Variants in NAE1 observed in about 807,000 individuals in gnomAD.
NAE1 encodes NEDD8 activating enzyme E1 subunit 1.
A neutral mutation model predicts 88.0 loss-of-function variants in NAE1; 59 were observed. The ratio of observed to expected loss-of-function variants is 0.67; its 90% CI spans 0.54 to 0.83. The LOEUF (loss-of-function observed/expected upper bound fraction) is 0.83, where lower values mean the gene tolerates loss of function less well. NAE1 is among the 40% of genes least tolerant of loss of function. NAE1 has a pLI of 0.00. For missense variants in NAE1, 554 were observed against 632.8 expected (o/e 0.88, Z 1.34); for synonymous variants, 186 against 208.9 (o/e 0.89, Z 0.95).
Position 66,802,956 on chromosome 16 carries a change from G to A in NAE1, c.*53C>T, listed in dbSNP as rs755406874. 7.0e-5 allele frequency: 78 copies of A among 1,116,710 alleles called. No individual in the cohort carries two copies. Among genetic ancestry groups the A allele is most frequent in the Middle Eastern group, 2.0e-4 (1 of 4,962 alleles). 69.2% of individuals were successfully genotyped at this position (1,116,710 alleles called of 1,614,324 possible). On this transcript the variant is annotated 3_prime_UTR_variant, in exon 20 of 20. Coordinates refer to ENST00000290810, the MANE Select transcript of NAE1 (RefSeq NM_003905.4). Reference sequence around the variant, plus strand: ...AATTTTACAGACTAAAGCACAACCCGAAGGCAATTACAGTTTCAATCATTA... The same window carrying A: ...AATTTTACAGACTAAAGCACAACCCAAAGGCAATTACAGTTTCAATCATTA...
chr16:66,810,067 A>G (rs929717579), intron 15 of NAE1, among the ~76,000 whole-genome samples: 1 of 152,178 alleles, frequency 6.6e-6, no homozygotes, highest in East Asian at 1.9e-4. Context: ...CAGACAAAAA[A>G]ACTTCCTAAA....
In NAE1 at chr16:66,805,810, C is replaced by T; in HGVS notation, c.1462G>A (p.Ala488Thr). The change falls in exon 19 of 20, where the codon GCT becomes ACT. Residue 488 changes from alanine to threonine, a missense_variant. Transcript: ENST00000290810. ...AATGCAGCAATGGTATGTGGCTCAGCAGCTCCATATCGGCAACTAAAGGAG... is the reference window on the plus strand; with the variant it reads ...AATGCAGCAATGGTATGTGGCTCAGTAGCTCCATATCGGCAACTAAAGGAG... Reference protein sequence around the residue: ...YVHEFCRYGAAEPHTIAAFLG... With the variant: ...YVHEFCRYGATEPHTIAAFLG... The T allele has an allele frequency of 6.5e-7, 1 of 1,534,350 alleles. No individual in the cohort carries two copies. The highest frequency in any genetic ancestry group is 8.7e-7 in the Non-Finnish European group (1 of 1,147,046).
At chr16:66,816,888 C>A in intron 10 of NAE1, 77 bp downstream of exon 10, 1 of 1,540,544 alleles carries the variant, frequency 6.5e-7, no homozygotes, top group Admixed American at 2.3e-5. Flanking sequence ...AAGGTGTTAA[C>A]AGAAATCCAA....
At chr16:66,812,454 T>C (rs1023995703) in intron 13 of NAE1, among the ~76,000 whole-genome samples, 1 of 152,006 alleles carries the variant, frequency 6.6e-6, no homozygotes, top group South Asian at 2.1e-4. Flanking sequence ...GCGTATGTGG[T>C]AATTCTGTAT....
At position 66,808,623 on chromosome 16, in the gene NAE1, A is replaced by C. The variant is rs767281309; in HGVS notation, c.1238-10T>G. 5.7e-6 allele frequency: 9 copies of C among 1,577,202 alleles called. No individual in the cohort carries two copies. The highest frequency in any genetic ancestry group is 6.9e-6 in the Non-Finnish European group (8 of 1,152,124). Reference sequence around the variant, plus strand: ...TTGTCCATGCTAGAAACTGAAAGGAAAAAAAATTTCAGTTTAATTTGGTTA... The same window carrying C: ...TTGTCCATGCTAGAAACTGAAAGGACAAAAAATTTCAGTTTAATTTGGTTA... On this transcript the variant is annotated splice_polypyrimidine_tract_variant and intron_variant, in intron 16 of 19. Transcript: ENST00000290810.
intron 6 of NAE1, 73 bp downstream of exon 6, chr16:66,823,154 G>T: frequency 5.1e-6 from 4 of 782,242 alleles, no homozygotes; most frequent in South Asian, 2.1e-5. Flanking sequence ...TATCATCATA[G>T]ACTGTGCAAA....
At chr16:66,810,656 G>A (rs964431279) in intron 14 of NAE1, 41 bp downstream of exon 14, 9 of 1,558,616 alleles carry the variant, frequency 5.8e-6, no homozygotes, top group South Asian at 5.7e-5. Context: ...CTGGAGTTAC[G>A]TGCTGAGGCC....
In NAE1 at chr16:66,803,166, A is replaced by C. The variant is rs1159247984; in HGVS notation, c.1496-48T>G. On this transcript the variant is annotated intron_variant, in intron 19 of 19. Transcript: ENST00000290810. ...CAAATCTTTGAAAGAGTAAACTTCA[A>C]GAGTTACATACTCAATTCTGTAAAG... is the stretch of plus-strand genomic sequence containing the variant. The C allele has an allele frequency of 3.2e-6, 4 of 1,243,230 alleles. No individual in the cohort carries two copies. In the Admixed American group the frequency reaches 7.1e-5, roughly 22 times the overall value. 77.0% of individuals were successfully genotyped at this position (1,243,230 alleles called of 1,614,324 possible).
intron 19 of NAE1, 189 bp downstream of exon 19, chr16:66,805,588 T>C: frequency 2.3e-6 from 1 of 427,390 alleles, no homozygotes; most frequent in Non-Finnish European, 4.0e-6. Flanking sequence ...CAGCGAGCTA[T>C]GATGGCATCA....
At chr16:66,829,994 T>C (rs1960629311) in intron 1 of NAE1, among the ~76,000 whole-genome samples, 1 of 152,184 alleles carries the variant, frequency 6.6e-6, no homozygotes, top group Admixed American at 6.5e-5. Context: ...CAACCGATTC[T>C]CCAGCCTCAG....
intron 15 of NAE1, among the ~76,000 whole-genome samples, chr16:66,809,324 A>G (rs1959694782): frequency 6.6e-6 from 1 of 152,200 alleles, no homozygotes; most frequent in South Asian, 2.1e-4. Flanking sequence ...TCAGTTTTCA[A>G]GTGTAAAATG....
chr16:66,820,627 T>C (rs1960211511), intron 7 of NAE1, among the ~76,000 whole-genome samples: 1 of 151,284 alleles, frequency 6.6e-6, no homozygotes, highest in Non-Finnish European at 1.5e-5. Context: ...GGCGGCCGGG[T>C]GCGGTGGCTC....
intron 15 of NAE1, among the ~76,000 whole-genome samples, chr16:66,809,813 T>C (rs1259135155): frequency 6.6e-6 from 1 of 152,104 alleles, no homozygotes; most frequent in Admixed American, 6.5e-5. Flanking sequence ...GAGCAGTAGC[T>C]ACAGGGAGAA....
At chr16:66,821,609 C>A (rs1225344211) in intron 6 of NAE1, 50 bp from the exon 7 acceptor site, 3 of 1,431,572 alleles carry the variant, frequency 2.1e-6, no homozygotes, top group Non-Finnish European at 2.8e-6. Context: ...TGGAAATATG[C>A]CAAACATGAA....
chr16:66,814,968 T>C (rs1351560257), intron 11 of NAE1, among the ~76,000 whole-genome samples: 2 of 152,210 alleles, frequency 1.3e-5, no homozygotes, highest in Non-Finnish European at 2.9e-5. Context: ...TTTGCACATG[T>C]GCTCCCTCCA....
chr16:66,823,430 T>C (rs761974294), intron 5 of NAE1, 99 bp downstream of exon 5: 1 of 1,324,236 alleles, frequency 7.6e-7, no homozygotes. Flanking sequence ...CAACTAATCA[T>C]AAATGACACA....
chr16:66,816,432 T>C, intron 11 of NAE1, 149 bp downstream of exon 11: 1 of 623,866 alleles, frequency 1.6e-6, no homozygotes, highest in African/African-American at 1.9e-5. Flanking sequence ...CCCAAAGTGC[T>C]GGGATGAGCC....
At chr16:66,828,178 G>GA in intron 1 of NAE1, 2 of 904,500 alleles carry the variant, frequency 2.2e-6, no homozygotes, top group Non-Finnish European at 3.4e-6. Flanking sequence ...TAGATAGTTG[G>GA]AGAGTAAATT....
intron 6 of NAE1, among the ~76,000 whole-genome samples, chr16:66,821,944 A>G (rs1010115077): frequency 8.5e-5 from 13 of 152,274 alleles, no homozygotes; most frequent in Middle Eastern, 3.4e-3. Flanking sequence ...ATCATGGCTC[A>G]CTGCAGCCTC....
Sources: gnomAD v4.1 joint callset for allele counts (sites outside exome capture counted in the v4.1 genomes callset) on GRCh38, gnomAD v4.1.1 for gene constraint, MANE v1.5 for transcripts, NCBI Gene and HGNC (gene_info 2026-07-23, HGNC 2026-07-21) for gene names.